The following PHYKPL variants were observed in gnomAD, a reference collection of about 807,000 sequenced individuals.
PHYKPL encodes 5-phosphonooxy-L-lysine phospho-lyase.
A neutral mutation model predicts 51.3 loss-of-function variants in PHYKPL; 42 were observed. The observed-to-expected ratio is 0.82, with a 90% CI of 0.64 to 1.06. PHYKPL has a LOEUF of 1.06. Ranked by LOEUF, PHYKPL falls within the 50% of genes least tolerant of loss-of-function variation. The probability of loss-of-function intolerance (pLI) is 0.00; values close to 1 mark genes in which losing one functional copy is unlikely to be tolerated. For synonymous variants in PHYKPL, 264 were observed against 236.0 expected (o/e 1.12, Z -1.09); for missense variants, 655 against 586.6 (o/e 1.12, Z -1.20).
intron 3 of PHYKPL, chr5:178,229,713 C>A (rs1429605329): frequency 2.0e-6 from 1 of 487,830 alleles, no homozygotes; most frequent in Non-Finnish European, 3.6e-6. Flanking sequence ...TAAGCTCCAG[C>A]AATGATCCTA....
chr5:178,215,876 C>T (rs964660473), intron 8 of PHYKPL: 2 of 157,622 alleles, frequency 1.3e-5, no homozygotes, highest in African/African-American at 2.4e-5. Context: ...GGCTCTGGCT[C>T]CTTTCCCTCG....
At position 178,220,456 on chromosome 5, in the gene PHYKPL, C is replaced by T. The variant is rs374601822; in HGVS notation, c.927+1899G>A. Among the ~76,000 whole-genome samples the T allele has an allele frequency of 8.6e-5, 13 of 151,892 alleles. No individual in the cohort carries two copies. In the East Asian group the frequency reaches 1.9e-3, roughly 23 times the overall value. The stretch of plus-strand genomic sequence containing the variant: ...GTTGCAGTGAGCCGAGATCGCGCCA[C>T]AGCACTCCAGCCTGGGCAACAAGAG... On this transcript the variant is annotated intron_variant, in intron 8 of 12. Coordinates refer to ENST00000308158, the MANE Select transcript of PHYKPL (RefSeq NM_153373.4).
downstream of PHYKPL, chr5:178,207,241 C>G: frequency 6.2e-7 from 1 of 1,613,336 alleles, no homozygotes; most frequent in Non-Finnish European, 8.5e-7. Context: ...GTGTTCCCAG[C>G]TCTGCTTGGC....
chr5:178,219,435 A>T (rs1760648659), intron 8 of PHYKPL, among the ~76,000 whole-genome samples: 2 of 151,970 alleles, frequency 1.3e-5, no homozygotes, highest in Admixed American at 1.3e-4. Context: ...CAAAAGACAC[A>T]AAAGACACAA....
chr5:178,232,502 G>A lies in PHYKPL; in HGVS notation c.49C>T (p.Arg17Trp), dbSNP rs764678839. The A allele has an allele frequency of 2.3e-4, 315 of 1,341,284 alleles. 1 individual carries two copies. Among genetic ancestry groups the A allele is most frequent in the Non-Finnish European group, 2.9e-4 (305 of 1,054,326 alleles). 83.1% of individuals were successfully genotyped at this position (1,341,284 alleles called of 1,614,324 possible). A position where few individuals can be genotyped will look rare whatever the true frequency, so the allele number is the denominator to read the frequency against. The change falls in exon 1 of 13, where the codon CGG becomes TGG. Residue 17 changes from arginine to tryptophan, a missense_variant. Physicochemically the swap from Arg to Trp is moderately radical, Grantham distance 101. Coordinates refer to ENST00000308158, the MANE Select transcript of PHYKPL (RefSeq NM_153373.4). Reference sequence around the variant, plus strand: ...CCCCCGCCCGGGTACCTGATGAGCCGTTGCCTCAGGGCCAGCGTGTCGGCC... The same window carrying A: ...CCCCCGCCCGGGTACCTGATGAGCCATTGCCTCAGGGCCAGCGTGTCGGCC... Reference protein sequence around the residue: ...PKADTLALRQRLISSSCRLFF... With the variant: ...PKADTLALRQWLISSSCRLFF...
At chr5:178,231,926 T>C in intron 1 of PHYKPL, 1 of 1,277,240 alleles carries the variant, frequency 7.8e-7, no homozygotes, top group Non-Finnish European at 1.0e-6. Flanking sequence ...CCTAAACAGC[T>C]CCTTGCCAGC....
intron 12 of PHYKPL, chr5:178,209,597 C>G (rs1757553294): frequency 1.5e-6 from 1 of 679,072 alleles, no homozygotes; most frequent in Non-Finnish European, 2.6e-6. Flanking sequence ...GGCTCTGGGT[C>G]AGGGCTGTAT....
At chr5:178,207,725 CAG>C (rs1020070629), downstream of PHYKPL, among the ~76,000 whole-genome samples, 7 of 104,776 alleles carry the variant, frequency 6.7e-5, no homozygotes, top group East Asian at 3.1e-4. Context: ...TGCTTTGAGA[CAG>C]AGTCTTGCTT....
At chr5:178,210,698 A>AT (rs1391831526) in intron 12 of PHYKPL, 1 of 1,217,540 alleles carries the variant, frequency 8.2e-7, no homozygotes, top group Non-Finnish European at 1.2e-6. Flanking sequence ...TATGTACCAA[A>AT]TTTAACTTGG....
Position 178,222,517 on chromosome 5 carries a change from T to C in PHYKPL, c.765A>G (p.Val255=), listed in dbSNP as rs1761373489. The C allele has an allele frequency of 6.2e-7, 1 of 1,614,234 alleles. No individual in the cohort carries two copies. The highest frequency in any genetic ancestry group is 2.2e-5 in the East Asian group (1 of 44,880). The change falls in exon 8 of 13, where the codon GTA becomes GTG. Residue 255 remains valine, a synonymous_variant. Coordinates refer to ENST00000308158, the MANE Select transcript of PHYKPL (RefSeq NM_153373.4). ...ADEIQVGFGR[V]GKHFWAFQLQ... ...GCTGGAAGGCCCAGAAGTGCTTGCC[T>C]ACCCGGCCAAAGCCAACCTGGATCT...
At chr5:178,209,658 G>A (rs1371695461) in intron 12 of PHYKPL, among the ~76,000 whole-genome samples, 1 of 152,122 alleles carries the variant, frequency 6.6e-6, no homozygotes, top group Admixed American at 6.5e-5. Flanking sequence ...GGGTGCCCAG[G>A]GCAGAGAGAG....
chr5:178,230,101 T>C lies in PHYKPL; in HGVS notation c.179-2A>G, dbSNP rs780107457. On this transcript the variant is annotated splice_acceptor_variant, in intron 2 of 12. Coordinates refer to ENST00000308158, the MANE Select transcript of PHYKPL (RefSeq NM_153373.4). LOFTEE classifies it high-confidence loss of function. ...CCACGAGAGGGTGGCAGTGCCCAACTGGAAGAGGGCCGCCTCCGTCACACG... is the reference window on the plus strand; with the variant it reads ...CCACGAGAGGGTGGCAGTGCCCAACCGGAAGAGGGCCGCCTCCGTCACACG... 6.6e-5 allele frequency: 107 copies of C among 1,613,556 alleles called. No individual in the cohort carries two copies. The highest frequency in any genetic ancestry group is 5.2e-5 in the Non-Finnish European group (61 of 1,179,930).
At position 178,225,330 on chromosome 5, in the gene PHYKPL, C is replaced by T. The variant is rs114070141; in HGVS notation, c.413+25G>A. The T allele has an allele frequency of 9.3e-4, 1,494 of 1,613,664 alleles. 15 individuals are homozygous for T. In the African/African-American group the frequency reaches 0.016, roughly 18 times the overall value. Reference sequence around the variant, plus strand: ...AGCCTGTGGGCCAGGCTTCTGGGAACGGTAGGGCTGTGAGTTGCACTTACT... The same window carrying T: ...AGCCTGTGGGCCAGGCTTCTGGGAATGGTAGGGCTGTGAGTTGCACTTACT... On this transcript the variant is annotated intron_variant, in intron 4 of 12. Transcript: ENST00000308158.
intron 4 of PHYKPL, 56 bp downstream of exon 4, chr5:178,225,299 C>T (rs2113952621): frequency 4.4e-6 from 7 of 1,601,294 alleles, no homozygotes; most frequent in Admixed American, 1.7e-5. Flanking sequence ...TCACGGATCA[C>T]CAAGAAGCCT....
intron 2 of PHYKPL, chr5:178,230,315 C>A: frequency 1.8e-6 from 1 of 557,156 alleles, no homozygotes; most frequent in Non-Finnish European, 3.2e-6. Flanking sequence ...AAAGCCGCTT[C>A]AGCAGAAGAA....
chr5:178,213,499 G>A (rs986817275), intron 10 of PHYKPL, among the ~76,000 whole-genome samples: 1 of 151,362 alleles, frequency 6.6e-6, no homozygotes, highest in Non-Finnish European at 1.5e-5. Flanking sequence ...GGTGTAATGA[G>A]CTCCACGTGC....
At chr5:178,228,888 A>G (rs893885994) in intron 3 of PHYKPL, among the ~76,000 whole-genome samples, 5 of 152,206 alleles carry the variant, frequency 3.3e-5, no homozygotes, top group South Asian at 2.1e-4. Context: ...TAGTTTCCCA[A>G]TGCTCTTAGG....
Position 178,211,922 on chromosome 5 carries a change from T to C in PHYKPL, c.1352A>G (p.Ter451=). Residue 451 remains the stop codon, a stop_retained_variant, in exon 12 of 13, where the codon TAA becomes TGA. Transcript: ENST00000308158. ...RSCETLRLQP[*] ...ACACTTAGGCAGAGCAGGGCTGGCT[T>C]AGGGCTGGAGCCTCAGCGTTTCACA... is the stretch of plus-strand genomic sequence containing the variant. 1 of 1,613,298 alleles carries C rather than the reference T, an allele frequency of 6.2e-7. No individual in the cohort carries two copies. Among genetic ancestry groups the C allele is most frequent in the Non-Finnish European group, 8.5e-7 (1 of 1,179,224 alleles).
chr5:178,232,441 G>C, intron 1 of PHYKPL, 51 bp downstream of exon 1: 1 of 1,377,984 alleles, frequency 7.3e-7, no homozygotes, highest in Non-Finnish European at 9.3e-7. Flanking sequence ...GCGTGCGCGT[G>C]CCTCTCCGCG....
Sources: allele counts gnomAD v4.1 joint callset (sites outside exome capture counted in the v4.1 genomes callset), GRCh38; gene constraint gnomAD v4.1.1; transcripts MANE v1.5; gene names NCBI Gene and HGNC (gene_info 2026-07-23, HGNC 2026-07-21).